Variants in DGKH observed in about 807,000 individuals in gnomAD.
The protein encoded by DGKH is DAG kinase eta.
DGKH carries 90 observed loss-of-function variants against 159.3 expected under a neutral mutation model. The observed-to-expected ratio is 0.57, with a 90% CI of 0.48 to 0.67. The LOEUF is 0.67. DGKH is among the 30% of genes least tolerant of loss of function. The pLI is 0.00. For missense variants in DGKH, 1,181 were observed against 1,506.1 expected (o/e 0.78, Z 3.57); for synonymous variants, 536 against 553.8 (o/e 0.97, Z 0.45).
chr13:42,070,346 G>T, intron 1 of DGKH: 1 of 1,417,164 alleles, frequency 7.1e-7, no homozygotes, highest in Non-Finnish European at 1.0e-6. Context: ...TGTGCAACAG[G>T]AATAGATTCT....
intron 1 of DGKH, among the ~76,000 whole-genome samples, chr13:42,073,876 C>A (rs1883134762): frequency 6.6e-6 from 1 of 152,142 alleles, no homozygotes; most frequent in Non-Finnish European, 1.5e-5. Context: ...TGGTTAATGA[C>A]AGTCGTGCAC....
At chr13:42,092,150 A>G (rs991851995) in intron 1 of DGKH, among the ~76,000 whole-genome samples, 1 of 152,248 alleles carries the variant, frequency 6.6e-6, no homozygotes, top group African/African-American at 2.4e-5. Context: ...AGAAAGTAGT[A>G]AAGTAGTGCA....
At chr13:42,106,242 A>G (rs762194325) in intron 1 of DGKH, among the ~76,000 whole-genome samples, 4 of 152,152 alleles carry the variant, frequency 2.6e-5, no homozygotes, top group Non-Finnish European at 5.9e-5. Flanking sequence ...TCCTGACCTC[A>G]GGTGATTCAC....
intron 1 of DGKH, among the ~76,000 whole-genome samples, chr13:42,095,644 T>C (rs933444396): frequency 6.6e-6 from 1 of 152,238 alleles, no homozygotes; most frequent in African/African-American, 2.4e-5. Flanking sequence ...GGAAACTCGT[T>C]CTTCCTGTTT....
chr13:42,178,336 T>C (rs1956659034), intron 13 of DGKH, 116 bp downstream of exon 13: 2 of 751,824 alleles, frequency 2.7e-6, no homozygotes, highest in Non-Finnish European at 4.0e-6. Flanking sequence ...GGAAGTAGCT[T>C]ATAAAATTAG....
Position 42,238,300 on chromosome 13 carries a change from A to G in DGKH, c.*9112A>G, listed in dbSNP as rs1486661113. 6.6e-6 allele frequency: 1 copy of G among 152,240 alleles called. No homozygotes were observed. The highest frequency in any genetic ancestry group is 2.4e-5 in the African/African-American group (1 of 41,468). 9.4% of individuals were successfully genotyped at this position (152,240 alleles called of 1,614,324 possible). A position where few individuals can be genotyped will look rare whatever the true frequency, so the allele number is the denominator to read the frequency against. The stretch of plus-strand genomic sequence containing the variant: ...TGATGTTTAATTTAAAAATGAAAGT[A>G]AAGTTAAAATTAGTAGCATTTGTAC... On this transcript the variant is annotated 3_prime_UTR_variant, in exon 30 of 30. Transcript: ENST00000337343.
chr13:42,225,449 CT>C, intron 29 of DGKH: 1 of 1,002,990 alleles, frequency 1.0e-6, no homozygotes, highest in Non-Finnish European at 1.4e-6. Context: ...AAAATTTGGA[CT>C]GTTTATCCAG....
chr13:42,213,025 C>T (rs377396361), intron 24 of DGKH, among the ~76,000 whole-genome samples: 1 of 152,034 alleles, frequency 6.6e-6, no homozygotes, highest in East Asian at 1.9e-4. Flanking sequence ...GAAAGGTTGG[C>T]ATAGTATATG....
intron 1 of DGKH, among the ~76,000 whole-genome samples, chr13:42,124,925 T>C (rs1430571928): frequency 6.6e-6 from 1 of 152,204 alleles, no homozygotes; most frequent in African/African-American, 2.4e-5. Flanking sequence ...CCTTTCTCAC[T>C]GCTTCCTCTC....
At chr13:42,129,691 G>A (rs574595480) in intron 3 of DGKH, 59 bp downstream of exon 3, 25 of 1,477,658 alleles carry the variant, frequency 1.7e-5, no homozygotes, top group East Asian at 7.0e-5. Context: ...TTTCTTAAGC[G>A]TGTACAGAAT....
intron 2 of DGKH, among the ~76,000 whole-genome samples, chr13:42,128,333 TA>T (rs555622437): frequency 1.3e-3 from 199 of 152,350 alleles, no homozygotes; most frequent in Non-Finnish European, 2.5e-3. Context: ...GCTCCTGATA[TA>T]ATTGGTAGGG....
Position 42,229,190 on chromosome 13 carries a change from C to T in DGKH, c.*2C>T. ...AGCACTCCACAGTCGGAGGTGTAATCATATTGGTGCTATTTCTTGGAAGAG... is the reference window on the plus strand; with the variant it reads ...AGCACTCCACAGTCGGAGGTGTAATTATATTGGTGCTATTTCTTGGAAGAG... On this transcript the variant is annotated 3_prime_UTR_variant, in exon 30 of 30. Transcript: ENST00000337343. 6.2e-7 allele frequency: 1 copy of T among 1,606,732 alleles called. No individual in the cohort carries two copies. Among genetic ancestry groups the T allele is most frequent in the Non-Finnish European group, 8.5e-7 (1 of 1,177,884 alleles).
intron 24 of DGKH, among the ~76,000 whole-genome samples, chr13:42,213,401 G>T (rs143445083): frequency 1.6e-3 from 250 of 152,226 alleles, no homozygotes; most frequent in African/African-American, 5.7e-3. Context: ...TTGGGCTTTA[G>T]AATTTAAATT....
At chr13:42,070,956 TACTCTTTTGTC>T (rs1882925798) in intron 1 of DGKH, 1 of 1,305,352 alleles carries the variant, frequency 7.7e-7, no homozygotes, top group Non-Finnish European at 1.1e-6. Context: ...TCTTGATGGC[TACTCTTTTGTC>T]ACAATCATTG....
intron 1 of DGKH, among the ~76,000 whole-genome samples, chr13:42,071,690 TAAAATC>T: frequency 6.6e-6 from 1 of 152,330 alleles, no homozygotes; most frequent in Middle Eastern, 3.4e-3. Context: ...TCACCACAAT[TAAAATC>T]AAAGCTACTG....
intron 1 of DGKH, chr13:42,069,779 C>A: frequency 1.8e-6 from 2 of 1,092,456 alleles, no homozygotes; most frequent in Non-Finnish European, 1.3e-6. Flanking sequence ...TGGCTACACT[C>A]CAGATCACAA....
At chr13:42,048,554 C>T (rs1409600394), upstream of DGKH, among the ~76,000 whole-genome samples, 3 of 152,184 alleles carry the variant, frequency 2.0e-5, no homozygotes, top group African/African-American at 7.2e-5. The surrounding 1 kb of genome is among the most constrained non-coding windows in gnomAD (Gnocchi z 6.7). Flanking sequence ...CCCACCGTGG[C>T]CGCCGCTCCG....
At chr13:42,251,446 A>G (rs759794853) in intron 29 of DGKH, among the ~76,000 whole-genome samples, 2 of 152,150 alleles carry the variant, frequency 1.3e-5, no homozygotes, top group Non-Finnish European at 2.9e-5. Context: ...TTATATCTAT[A>G]TTCCTTTTAT....
At chr13:42,133,117 G>A (rs1029560681) in intron 3 of DGKH, among the ~76,000 whole-genome samples, 7 of 151,040 alleles carry the variant, frequency 4.6e-5, no homozygotes, top group East Asian at 1.9e-4. Flanking sequence ...GTTGCAGTGA[G>A]TCGAGATTGC....
Sources: allele counts gnomAD v4.1 joint callset (sites outside exome capture counted in the v4.1 genomes callset), GRCh38; gene constraint gnomAD v4.1.1; non-coding constraint Gnocchi (gnomAD v3.1); transcripts MANE v1.5; gene names NCBI Gene and HGNC (gene_info 2026-07-23, HGNC 2026-07-21).